PNLDC1: variants seen among roughly 807,000 people sequenced by gnomAD.
The protein encoded by PNLDC1 is PARN like ribonuclease domain containing exonuclease 1.
Under a neutral mutation model 82.0 loss-of-function variants are expected in PNLDC1, and 70 were observed. The ratio of observed to expected loss-of-function variants is 0.85; its 90% CI spans 0.70 to 1.04. The LOEUF is 1.04. Among genes scored for constraint, PNLDC1 ranks in the 50% least tolerant of loss-of-function variants. The pLI is 0.00. For synonymous variants in PNLDC1, 280 were observed against 249.3 expected, an observed-to-expected ratio of 1.12 and a Z score of -1.16; for missense variants, 631 against 661.1, an observed-to-expected ratio of 0.95 and a Z score of 0.50.
chr6:159,815,993 T>G lies in PNLDC1; in HGVS notation c.1020T>G (p.Ser340=). 6.2e-7 allele frequency: 1 copy of G among 1,613,692 alleles called. No homozygotes were observed. Among genetic ancestry groups the G allele is most frequent in the Non-Finnish European group, 8.5e-7 (1 of 1,179,848 alleles). The change falls in exon 13 of 19, where the codon TCT becomes TCG. Residue 340 remains serine (S), a synonymous_variant. Transcript: ENST00000392167. ...GTGACTTGAATCCCACCAAGAATTC[T>G]GGACCAGAGATTGTTCACGCGAGCA... The part of the protein sequence containing the change: ...LNSDLNPTKN[S]GPEIVHASRC...
In PNLDC1 at chr6:159,803,536, G is replaced by A. The variant is rs559402314; in HGVS notation, c.248+226G>A. Reference sequence around the variant, plus strand: ...GCCAGCCTTGCTCTGTACCTTAAGTGCTCCTTTCCCCATTTCCATTGTCTC... The same window carrying A: ...GCCAGCCTTGCTCTGTACCTTAAGTACTCCTTTCCCCATTTCCATTGTCTC... On this transcript the variant is annotated intron_variant, in intron 4 of 18. Transcript: ENST00000392167. The A allele has an allele frequency of 1.2e-3, 686 of 570,826 alleles. 3 individuals carry two copies. Among genetic ancestry groups the A allele is most frequent in the Non-Finnish European group, 1.9e-3 (612 of 322,414 alleles). The allele number at this position is 570,826 out of a possible 1,614,324, so 35.4% of individuals were successfully genotyped here.
At chr6:159,811,199 C>T (rs1781633805) in intron 10 of PNLDC1, among the ~76,000 whole-genome samples, 1 of 152,172 alleles carries the variant, frequency 6.6e-6, no homozygotes, top group South Asian at 2.1e-4. Context: ...GAAGAGATCA[C>T]AGGGTTTTGT....
At chr6:159,808,513 A>G (rs1235166248) in intron 7 of PNLDC1, among the ~76,000 whole-genome samples, 1 of 148,544 alleles carries the variant, frequency 6.7e-6, no homozygotes, top group East Asian at 1.9e-4. Context: ...TCCCCAACTT[A>G]AGAGTGGCCC....
chr6:159,799,926 G>A (rs1445572587), upstream of PNLDC1, among the ~76,000 whole-genome samples: 2 of 152,250 alleles, frequency 1.3e-5, no homozygotes, highest in African/African-American at 4.8e-5. Context: ...TTGCAGTTGC[G>A]TCCGGTGTTG....
At chr6:159,809,893 G>T in intron 9 of PNLDC1, 133 bp from the exon 10 acceptor site, 1 of 719,432 alleles carries the variant, frequency 1.4e-6, no homozygotes, top group Non-Finnish European at 2.4e-6. Context: ...GCAAAGGAAG[G>T]TTAGGATGGA....
intron 7 of PNLDC1, among the ~76,000 whole-genome samples, chr6:159,806,637 G>A (rs1781457593): frequency 1.3e-5 from 2 of 152,162 alleles, no homozygotes; most frequent in African/African-American, 2.4e-5. Context: ...GCATCATACC[G>A]TGTTCTTCAT....
In PNLDC1 at chr6:159,819,233, A is replaced by G. The variant is rs755679591; in HGVS notation, c.1434-21A>G. On this transcript the variant is annotated intron_variant, in intron 17 of 18. Transcript: ENST00000392167. The surrounding 1 kb of genome is among the most constrained non-coding windows in gnomAD (Gnocchi z 4.6). ...GCGCCATCCTGCTGCCTGGCTGACC[A>G]CAGCAAACTTGTTTTGGCAGTGCGC... The G allele has an allele frequency of 1.9e-6, 3 of 1,613,282 alleles. No homozygotes were observed. In the East Asian group the frequency reaches 6.7e-5, roughly 36 times the overall value.
intron 10 of PNLDC1, among the ~76,000 whole-genome samples, chr6:159,810,444 G>A (rs964336006): frequency 2.0e-5 from 3 of 152,154 alleles, no homozygotes; most frequent in Admixed American, 6.5e-5. Flanking sequence ...TTACATATTT[G>A]ATTACACTAT....
intron 12 of PNLDC1, among the ~76,000 whole-genome samples, chr6:159,815,055 C>G (rs1781769059): frequency 6.6e-6 from 1 of 152,200 alleles, no homozygotes; most frequent in African/African-American, 2.4e-5. Context: ...CAAAGGTTTC[C>G]TTGTCACACA....
rs776121146 is a variant in PNLDC1, at chr6:159,804,625, G to A, written c.449G>A (p.Trp150Ter). The A allele has an allele frequency of 1.2e-6, 2 of 1,605,544 alleles. No homozygotes were observed. Among genetic ancestry groups the A allele is most frequent in the East Asian group, 4.5e-5 (2 of 44,824 alleles). ...KIRHDILTGN[W>*]RVRSSPDKDQ... ...AGACACGATATCCTGACTGGGAACT[G>A]GAGAGTTCGCAGGTATGGCCTGTTT... is the stretch of plus-strand genomic sequence containing the variant. The change falls in exon 6 of 19, where the codon TGG becomes TAG. Residue 150 changes from tryptophan (W) to a stop codon, truncating the protein, a stop_gained. Coordinates refer to ENST00000392167, the MANE Select transcript of PNLDC1 (RefSeq NM_001271862.2). LOFTEE classifies it high-confidence loss of function.
At chr6:159,804,292 C>T (rs886151369) in intron 5 of PNLDC1, among the ~76,000 whole-genome samples, 9 of 152,214 alleles carry the variant, frequency 5.9e-5, no homozygotes, top group Middle Eastern at 3.4e-3. Flanking sequence ...TTAGTAGAGA[C>T]GGGGTTTCAC....
rs1353154165 is a variant in PNLDC1 at position 159,820,612 on chromosome 6, G to A, written c.*95G>A. 4.2e-6 allele frequency: 5 copies of A among 1,178,090 alleles called. No homozygotes were observed. The highest frequency in any genetic ancestry group is 6.3e-6 in the Non-Finnish European group (5 of 791,702). 73.0% of individuals were successfully genotyped at this position (1,178,090 alleles called of 1,614,324 possible). A position where few individuals can be genotyped will look rare whatever the true frequency, so the allele number is the denominator to read the frequency against. ...TGTAAATCAGATTCTGTTTGCAGAT[G>A]GATCTGTTTGGTCTTTTCTAGAAAT... is the stretch of plus-strand genomic sequence containing the variant. On this transcript the variant is annotated 3_prime_UTR_variant, in exon 19 of 19. Transcript: ENST00000392167.
chr6:159,808,213 C>T (rs989940480), intron 7 of PNLDC1, among the ~76,000 whole-genome samples: 12 of 152,190 alleles, frequency 7.9e-5, no homozygotes, highest in Non-Finnish European at 1.2e-4. Flanking sequence ...TGCGCCCAGC[C>T]GTGAGGCTGG....
chr6:159,803,679 C>T lies in PNLDC1; in HGVS notation c.249-286C>T, dbSNP rs533469926. ...CCCCAACTATCAGGATGCCTCCCCA[C>T]CCCCCATGAGCAGTTGAGGGTGCCA... On this transcript the variant is annotated intron_variant, in intron 4 of 18. Coordinates refer to ENST00000392167, the MANE Select transcript of PNLDC1 (RefSeq NM_001271862.2). Among the ~76,000 whole-genome samples, 7 of 152,218 alleles carry T rather than the reference C, an allele frequency of 4.6e-5. 1 individual carries two copies. The highest frequency in any genetic ancestry group is 1.7e-4 in the African/African-American group (7 of 41,542).
At chr6:159,820,324 T>C (rs1487252801) in intron 18 of PNLDC1, 130 bp from the exon 19 acceptor site, 1 of 842,234 alleles carries the variant, frequency 1.2e-6, no homozygotes, top group Non-Finnish European at 1.9e-6. Context: ...TTCAGTGTTG[T>C]CGTCGGGAGA....
chr6:159,817,721 A>G (rs1331410965), intron 15 of PNLDC1, among the ~76,000 whole-genome samples: 1 of 152,222 alleles, frequency 6.6e-6, no homozygotes, highest in African/African-American at 2.4e-5. Context: ...CGTCCTTGGC[A>G]TGCACGTTAG....
Position 159,818,515 on chromosome 6 carries a change from TC to T in PNLDC1, c.1158-39del, listed in dbSNP as rs757903593. The T allele has an allele frequency of 4.4e-6, 7 of 1,573,220 alleles. No homozygotes were observed. The South Asian group carries it at 5.5e-5, about 12-fold the overall frequency. ...CTGTGGCCGAGGAAGTGGATGAACT[TC>T]TGTGCGCCCGACAGCTTTGGGGTTT... On this transcript the variant is annotated intron_variant, in intron 15 of 18. Transcript: ENST00000392167.
Position 159,819,741 on chromosome 6 carries a change from T to C in PNLDC1, c.1532+389T>C, listed in dbSNP as rs955478897. ...CAAAGGAGCTGATGGGGGTCTTCATTAGAGACTTGGAGTGAGCCAGGCGGA... is the reference window on the plus strand; with the variant it reads ...CAAAGGAGCTGATGGGGGTCTTCATCAGAGACTTGGAGTGAGCCAGGCGGA... On this transcript the variant is annotated intron_variant, in intron 18 of 18. Coordinates refer to ENST00000392167, the MANE Select transcript of PNLDC1 (RefSeq NM_001271862.2). The surrounding 1 kb of genome is among the most constrained non-coding windows in gnomAD (Gnocchi z 4.6). Among the ~76,000 whole-genome samples the C allele has an allele frequency of 6.6e-6, 1 of 151,936 alleles. No individual in the cohort carries two copies. The highest frequency in any genetic ancestry group is 1.5e-5 in the Non-Finnish European group (1 of 67,970).
upstream of PNLDC1, among the ~76,000 whole-genome samples, chr6:159,799,668 T>A (rs557275407): frequency 6.6e-6 from 1 of 152,222 alleles, no homozygotes; most frequent in South Asian, 2.1e-4. Context: ...TAGGTAGGGA[T>A]TTCCGCAAGG....
Sources: gnomAD v4.1 joint callset for allele counts (sites outside exome capture counted in the v4.1 genomes callset) on GRCh38, gnomAD v4.1.1 for gene constraint, Gnocchi (gnomAD v3.1) non-coding constraint, MANE v1.5 for transcripts, NCBI Gene and HGNC (gene_info 2026-07-23, HGNC 2026-07-21) for gene names.